Variants in CEP350 observed in about 807,000 individuals in gnomAD.
CEP350 encodes centrosomal protein 350.
A neutral mutation model predicts 331.8 loss-of-function variants in CEP350; 126 were observed. That is an observed-to-expected ratio of 0.38 (90% CI 0.33 to 0.44). The LOEUF (loss-of-function observed/expected upper bound fraction) is 0.44, where lower values mean the gene tolerates loss of function less well. CEP350 is among the 20% of genes least tolerant of loss of function. CEP350 has a pLI of 1.00. For synonymous variants in CEP350, 1,200 were observed against 1,259.5 expected (o/e 0.95, Z 1.00); for missense variants, 3,406 against 3,634.6 (o/e 0.94, Z 1.62).
intron 6 of CEP350, among the ~76,000 whole-genome samples, chr1:180,002,879 G>A (rs1295023622): frequency 6.6e-6 from 1 of 152,154 alleles, no homozygotes; most frequent in Non-Finnish European, 1.5e-5. Flanking sequence ...TTATATGAAA[G>A]GTCCAGAATA....
intron 8 of CEP350, among the ~76,000 whole-genome samples, chr1:180,006,998 C>A (rs1483135018): frequency 1.3e-5 from 2 of 152,250 alleles, no homozygotes; most frequent in East Asian, 1.9e-4. Flanking sequence ...TTTTCTTAAT[C>A]CAGTCAATCA....
intron 7 of CEP350, among the ~76,000 whole-genome samples, chr1:180,005,259 C>T (rs1262157556): frequency 6.6e-6 from 1 of 151,962 alleles, no homozygotes. Flanking sequence ...GATTTCTCAA[C>T]CTTAATATAT....
At chr1:180,012,823 C>G (rs538328643) in intron 9 of CEP350, among the ~76,000 whole-genome samples, 1 of 152,186 alleles carries the variant, frequency 6.6e-6, no homozygotes, top group African/African-American at 2.4e-5. Context: ...CTTGTAAATA[C>G]GCTCATGTGT....
chr1:180,061,942 A>G (rs542119579), intron 25 of CEP350, among the ~76,000 whole-genome samples: 2 of 152,306 alleles, frequency 1.3e-5, no homozygotes, highest in East Asian at 3.9e-4. Context: ...CATTATGGAA[A>G]AATGTAAAAT....
intron 1 of CEP350, among the ~76,000 whole-genome samples, chr1:179,977,814 ACT>A (rs1289442053): frequency 6.6e-6 from 1 of 151,580 alleles, no homozygotes; most frequent in Non-Finnish European, 1.5e-5. Flanking sequence ...AAACTTTTTG[ACT>A]CTTTTGTAAT....
Position 179,965,259 on chromosome 1 carries a change from T to C in CEP350, c.-14+10117T>C, listed in dbSNP as rs1650918419. On this transcript the variant is annotated intron_variant, in intron 1 of 37. Transcript: ENST00000367607. The stretch of plus-strand genomic sequence containing the variant: ...ATTTTATTCTACTGTAGTCTGATAA[T>C]ATGCTTGACATGATTTCATTTTTTA... Among the ~76,000 whole-genome samples the C allele has an allele frequency of 3.3e-5, 5 of 152,194 alleles. No homozygotes were observed. The South Asian group carries it at 1.0e-3, about 31-fold the overall frequency.
intron 22 of CEP350, among the ~76,000 whole-genome samples, chr1:180,051,817 C>T (rs576615173): frequency 5.9e-5 from 9 of 152,094 alleles, no homozygotes; most frequent in African/African-American, 2.2e-4. Context: ...ACAAAAGGAA[C>T]GGTACATAAA....
intron 27 of CEP350, among the ~76,000 whole-genome samples, chr1:180,068,695 GCTT>G (rs985914843): frequency 5.3e-5 from 8 of 152,044 alleles, no homozygotes; most frequent in Admixed American, 3.9e-4. Flanking sequence ...GTTAACAGTA[GCTT>G]CTTCTTCCAT....
rs1182311941 is a variant in CEP350, at chr1:180,039,247, C to CA, written c.4111-1881dup. ...TGGACTCCAGAGTGAAACCCTGTCT[C>CA]AAAAAAAAAAGGAAGAAAGGAAGGA... On this transcript the variant is annotated intron_variant, in intron 17 of 37. Transcript: ENST00000367607. Among the ~76,000 whole-genome samples the CA allele has an allele frequency of 9.8e-3, 521 of 53,126 alleles. 3 individuals are homozygous for CA. Among genetic ancestry groups the CA allele is most frequent in the African/African-American group, 0.036 (483 of 13,368 alleles). The allele number at this position is 53,126 out of a possible 152,430, so 34.9% of individuals were successfully genotyped here.
At chr1:179,978,176 A>G (rs1448155981) in intron 1 of CEP350, among the ~76,000 whole-genome samples, 2 of 152,132 alleles carry the variant, frequency 1.3e-5, no homozygotes, top group East Asian at 1.9e-4. Context: ...AACTTTGGCT[A>G]TCTTCCATTA....
At chr1:179,994,436 CTTTTCTTT>C (rs1427700493) in intron 5 of CEP350, among the ~76,000 whole-genome samples, 2 of 149,108 alleles carry the variant, frequency 1.3e-5, no homozygotes, top group Non-Finnish European at 3.0e-5. Context: ...TTTCTTTTTT[CTTTTCTTT>C]TTTCTTTCTT....
chr1:180,020,278 T>G lies in CEP350; in HGVS notation c.2504T>G (p.Leu835Trp). ...GCCTTGAAAGCAACAGCTGCTTCTT[T>G]GTCCAGCAGAATTGAAAGTGAAGCC... ...IEALKATAAS[L>W]SSRIESEAKK... The change falls in exon 12 of 38, where the codon TTG becomes TGG. Residue 835 changes from leucine to tryptophan, a missense_variant. Around this residue, in one of 5 missense-constraint regions of CEP350, gnomAD observed 1,857 missense variants for 1,909.2 expected, o/e 0.97. Transcript: ENST00000367607. The G allele has an allele frequency of 1.2e-6, 2 of 1,614,060 alleles. No homozygotes were observed. Among genetic ancestry groups the G allele is most frequent in the Non-Finnish European group, 1.7e-6 (2 of 1,179,904 alleles).
At chr1:180,055,158 C>G (rs892095081) in intron 25 of CEP350, among the ~76,000 whole-genome samples, 2 of 152,298 alleles carry the variant, frequency 1.3e-5, no homozygotes, top group African/African-American at 4.8e-5. Context: ...TTAGAGCAGA[C>G]TGTGGCACAA....
At chr1:180,097,160 TA>T (rs1403859953) in intron 36 of CEP350, among the ~76,000 whole-genome samples, 3 of 152,262 alleles carry the variant, frequency 2.0e-5, no homozygotes, top group Admixed American at 1.3e-4. Flanking sequence ...CTATGGCCCA[TA>T]AGCCAAATCC....
chr1:180,041,920 T>C (rs1430570061), intron 19 of CEP350, 118 bp downstream of exon 19: 2 of 911,252 alleles, frequency 2.2e-6, no homozygotes, highest in Non-Finnish European at 3.3e-6. Flanking sequence ...TTAGTGACTT[T>C]TAGTGGGGGC....
At chr1:180,051,624 T>TAC (rs1657507338) in intron 22 of CEP350, among the ~76,000 whole-genome samples, 1 of 152,198 alleles carries the variant, frequency 6.6e-6, no homozygotes, top group South Asian at 2.1e-4. Context: ...TAATCATGCA[T>TAC]ACACACACAT....
intron 17 of CEP350, among the ~76,000 whole-genome samples, chr1:180,038,907 C>A (rs934960945): frequency 2.0e-5 from 3 of 151,930 alleles, no homozygotes; most frequent in African/African-American, 4.8e-5. Context: ...TGTGGTAGAA[C>A]CTTTAATTTT....
chr1:180,042,930 CTA>C, intron 19 of CEP350, 124 bp from the exon 20 acceptor site: 1 of 950,728 alleles, frequency 1.1e-6, no homozygotes, highest in South Asian at 1.7e-5. Context: ...AGTATTTCAT[CTA>C]TTAGTGGCAG....
intron 22 of CEP350, among the ~76,000 whole-genome samples, chr1:180,051,530 GTA>G (rs1657501944): frequency 6.6e-6 from 1 of 152,298 alleles, no homozygotes; most frequent in Non-Finnish European, 1.5e-5. Context: ...TGTTCTGTGT[GTA>G]TGTATGTTCT....
Sources: allele counts gnomAD v4.1 joint callset (sites outside exome capture counted in the v4.1 genomes callset), GRCh38; gene constraint gnomAD v4.1.1; regional missense constraint gnomAD v4.1.1; transcripts MANE v1.5; gene names NCBI Gene and HGNC (gene_info 2026-07-23, HGNC 2026-07-21).